PRKCZ: variants seen among roughly 807,000 people sequenced by gnomAD.
PRKCZ encodes protein kinase C zeta, also known as protein kinase C zeta type.
A neutral mutation model predicts 79.5 loss-of-function variants in PRKCZ; 33 were observed. The observed-to-expected ratio is 0.41, with a 90% confidence interval of 0.31 to 0.55. The LOEUF (loss-of-function observed/expected upper bound fraction) is 0.55. Ranked by LOEUF, PRKCZ falls within the 20% of genes least tolerant of loss-of-function variation. The pLI is 0.19. For synonymous variants in PRKCZ, 342 were observed against 320.9 expected (o/e 1.07, Z -0.70); for missense variants, 578 against 813.5 (o/e 0.71, Z 3.52).
At chr1:2,105,228 A>G (rs1668174926) in intron 4 of PRKCZ, among the ~76,000 whole-genome samples, 1 of 152,096 alleles carries the variant, frequency 6.6e-6, no homozygotes, top group South Asian at 2.1e-4. Context: ...ACTGCCGCCC[A>G]GCAGGTGACC....
chr1:2,119,625 G>A (rs145272834), intron 4 of PRKCZ, among the ~76,000 whole-genome samples: 1 of 152,268 alleles, frequency 6.6e-6, no homozygotes, highest in East Asian at 1.9e-4. Context: ...CAAACCAAGT[G>A]TTGTCTTAGA....
Position 2,178,915 on chromosome 1 carries a change from T to A in PRKCZ, c.1575+3602T>A, listed in dbSNP as rs1442322775. Among the ~76,000 whole-genome samples the A allele has an allele frequency of 6.6e-6, 1 of 151,932 alleles. No homozygotes were observed. The highest frequency in any genetic ancestry group is 1.5e-5 in the Non-Finnish European group (1 of 67,972). On this transcript the variant is annotated intron_variant, in intron 16 of 17. Coordinates refer to ENST00000378567, the MANE Select transcript of PRKCZ (RefSeq NM_002744.6). The surrounding 1 kb of genome is among the most constrained non-coding windows in gnomAD (Gnocchi z 4.3). Reference sequence around the variant, plus strand: ...GTCCGAGGGTAGAGCTGGGACAGGGTCACAGTCACCCCAAAGCCGCCCCCT... The same window carrying A: ...GTCCGAGGGTAGAGCTGGGACAGGGACACAGTCACCCCAAAGCCGCCCCCT...
Position 2,071,533 on chromosome 1 carries a change from A to T in PRKCZ, c.334+11942A>T, listed in dbSNP as rs1160891518. ...TTGTTTTATTAAAAAATCCAGTTTC[A>T]TTCAGCTTTGTCTCAAATTATTTGC... On this transcript the variant is annotated intron_variant, in intron 4 of 17. Transcript: ENST00000378567. 1.7e-5 allele frequency: 3 copies of T among 178,576 alleles called. No individual in the cohort carries two copies. The Admixed American group carries it at 1.8e-4, about 11-fold the overall frequency. 11.1% of individuals were successfully genotyped at this position (178,576 alleles called of 1,614,324 possible).
chr1:2,056,555 G>A lies in PRKCZ; in HGVS notation c.265G>A (p.Glu89Lys), dbSNP rs140958949. The change falls in exon 3 of 18, where the codon GAA becomes AAA. Residue 89 changes from glutamate (E) to lysine (K), a missense_variant. Coordinates refer to ENST00000378567, the MANE Select transcript of PRKCZ (RefSeq NM_002744.6). ...CCGCCTGGCCCGTCAGTGCAGGGAT[G>A]AAGGCCTCATCATTCATGGTTAGTG... ...AFRLARQCRD[E>K]GLIIHVFPST... 3 of 1,613,420 alleles carry A rather than the reference G, an allele frequency of 1.9e-6. No homozygotes were observed. The highest frequency in any genetic ancestry group is 2.5e-6 in the Non-Finnish European group (3 of 1,179,744).
intron 4 of PRKCZ, among the ~76,000 whole-genome samples, chr1:2,076,872 GC>G (rs1372926097): frequency 6.6e-6 from 1 of 152,214 alleles, no homozygotes; most frequent in East Asian, 1.9e-4. Flanking sequence ...CTGTGGCAGA[GC>G]CCCTCCACGC....
chr1:2,112,564 A>G (rs1669956399), intron 4 of PRKCZ, among the ~76,000 whole-genome samples: 1 of 152,134 alleles, frequency 6.6e-6, no homozygotes, highest in South Asian at 2.1e-4. Context: ...ATGGGACCCC[A>G]CACGTTTCCT....
chr1:2,144,834 G>A (rs1165624981), intron 6 of PRKCZ: 1 of 180,244 alleles, frequency 5.5e-6, no homozygotes, highest in Non-Finnish European at 1.1e-5. Context: ...CCAGGCCTTT[G>A]GGGGCCTTAT....
chr1:2,057,342 G>A (rs1660263544), intron 3 of PRKCZ, among the ~76,000 whole-genome samples: 1 of 152,188 alleles, frequency 6.6e-6, no homozygotes, highest in African/African-American at 2.4e-5. Flanking sequence ...TGGGGCCTGG[G>A]AATGTGGTTC....
chr1:2,052,584 C>T (rs1039801660), intron 1 of PRKCZ, among the ~76,000 whole-genome samples: 4 of 152,064 alleles, frequency 2.6e-5, no homozygotes, highest in African/African-American at 7.3e-5. Flanking sequence ...TCTCCTCTCT[C>T]CCCTCCCAGG....
Position 2,054,324 on chromosome 1 carries a change from G to T in PRKCZ, c.72-1117G>T, listed in dbSNP as rs374159474. Among the ~76,000 whole-genome samples, 30 of 152,240 alleles carry T rather than the reference G, an allele frequency of 2.0e-4. No homozygotes were observed. The South Asian group carries it at 6.2e-3, about 32-fold the overall frequency. ...CTGAAAATTCAGTGTGTTCACAAGG[G>T]TGTGATTCCCGCTCTGAGTTTCAGG... On this transcript the variant is annotated intron_variant, in intron 1 of 17. Coordinates refer to ENST00000378567, the MANE Select transcript of PRKCZ (RefSeq NM_002744.6).
At chr1:2,083,960 G>A (rs768990400) in intron 4 of PRKCZ, among the ~76,000 whole-genome samples, 3 of 152,152 alleles carry the variant, frequency 2.0e-5, no homozygotes, top group African/African-American at 4.8e-5. Context: ...GGCCGGGCGC[G>A]GTGGCTCACG....
chr1:2,101,731 C>T lies in PRKCZ; in HGVS notation c.335-33531C>T, dbSNP rs372999454. 2.0e-5 allele frequency among the ~76,000 whole-genome samples: 3 copies of T among 152,244 alleles called. No individual in the cohort carries two copies. In the East Asian group the frequency reaches 5.8e-4, roughly 29 times the overall value. ...CGTGCATCCTGGGTCTGGACCGCAT[C>T]TGATACTTAGCAGGTACTTAGCAGC... On this transcript the variant is annotated intron_variant, in intron 4 of 17. Coordinates refer to ENST00000378567, the MANE Select transcript of PRKCZ (RefSeq NM_002744.6).
intron 8 of PRKCZ, among the ~76,000 whole-genome samples, chr1:2,150,359 C>A (rs1679636772): frequency 6.6e-6 from 1 of 152,154 alleles, no homozygotes; most frequent in Non-Finnish European, 1.5e-5. Flanking sequence ...GGTTTGGGAG[C>A]TCTTGGCAGG....
chr1:2,126,238 A>G (rs979435007), intron 4 of PRKCZ, among the ~76,000 whole-genome samples: 9 of 152,124 alleles, frequency 5.9e-5, no homozygotes, highest in African/African-American at 1.9e-4. Context: ...GCTCTGTTTT[A>G]TAGACTTTTT....
chr1:2,073,705 G>A (rs1002547285), intron 4 of PRKCZ: 7 of 993,378 alleles, frequency 7.0e-6, no homozygotes, highest in South Asian at 9.1e-5. Flanking sequence ...GGTACCACCC[G>A]GGCCTGGAGA....
intron 16 of PRKCZ, chr1:2,184,290 A>AC (rs998190974): frequency 1.4e-4 from 50 of 365,118 alleles, no homozygotes; most frequent in South Asian, 4.9e-4. Flanking sequence ...CTGAACAAGG[A>AC]CCCCCCCAAG....
chr1:2,166,968 G>C (rs1485408762), intron 10 of PRKCZ, among the ~76,000 whole-genome samples: 1 of 152,240 alleles, frequency 6.6e-6, no homozygotes, highest in Non-Finnish European at 1.5e-5. Flanking sequence ...AGCATGCTCA[G>C]CCATGGTCCC....
At chr1:2,070,570 C>G (rs953385792) in intron 4 of PRKCZ, among the ~76,000 whole-genome samples, 13 of 152,174 alleles carry the variant, frequency 8.5e-5, no homozygotes, top group Admixed American at 8.5e-4. Flanking sequence ...TCTCTGGATG[C>G]AAGGGTGGCA....
At chr1:2,170,504 A>G (rs1345698428) in intron 11 of PRKCZ, among the ~76,000 whole-genome samples, 4 of 150,554 alleles carry the variant, frequency 2.7e-5, no homozygotes, top group African/African-American at 9.8e-5. Flanking sequence ...AACACACAAC[A>G]TAAAAGGTAG....
Sources: allele counts gnomAD v4.1 joint callset (sites outside exome capture counted in the v4.1 genomes callset), GRCh38; gene constraint gnomAD v4.1.1; non-coding constraint Gnocchi (gnomAD v3.1); transcripts MANE v1.5; gene names NCBI Gene and HGNC (gene_info 2026-07-23, HGNC 2026-07-21).